KIAA1671: variants seen among roughly 807,000 people sequenced by gnomAD.
The protein encoded by KIAA1671 is uncharacterized protein KIAA1671.
Under a neutral mutation model 131.2 loss-of-function variants are expected in KIAA1671, and 52 were observed. That is an observed-to-expected ratio of 0.40 (90% CI 0.32 to 0.50). KIAA1671 has a LOEUF of 0.50. Ranked by LOEUF, KIAA1671 falls within the 20% of genes least tolerant of loss-of-function variation. The pLI is 0.73. For missense variants in KIAA1671, 2,360 were observed against 2,364.2 expected (o/e 1.00, Z 0.04); for synonymous variants, 1,003 against 961.6 (o/e 1.04, Z -0.80).
In KIAA1671 at chr22:25,171,170, C is replaced by T. The variant is rs145848499; in HGVS notation, c.4649+232C>T. ...ATCCCAGCACTTTGGGAGGCTGAGG[C>T]GGGCGGATTGCCTGAGCTCAGGAGT... On this transcript the variant is annotated intron_variant, in intron 7 of 12. Coordinates refer to ENST00000358431, the MANE Select transcript of KIAA1671 (RefSeq NM_001145206.2). 1.3e-3 allele frequency among the ~76,000 whole-genome samples: 191 copies of T among 152,168 alleles called. 3 individuals carry two copies. In the East Asian group the frequency reaches 0.027, roughly 21 times the overall value.
At position 25,104,594 on chromosome 22, in the gene KIAA1671, C is replaced by T. The variant is rs148368527; in HGVS notation, c.4530+55230C>T. Among the ~76,000 whole-genome samples, 676 of 152,278 alleles carry T rather than the reference C, an allele frequency of 4.4e-3. 5 individuals are homozygous for T. The highest frequency in any genetic ancestry group is 0.015 in the African/African-American group (644 of 41,564). ...TATCCTTCAAAACCCCACCCAGATA[C>T]CCTTCTTTTGATTGTAAGTCTTTAA... On this transcript the variant is annotated intron_variant, in intron 6 of 12. Transcript: ENST00000358431.
intron 1 of KIAA1671, among the ~76,000 whole-genome samples, chr22:24,973,348 C>T (rs1238433357): frequency 2.0e-5 from 3 of 148,506 alleles, no homozygotes; most frequent in African/African-American, 7.5e-5. Context: ...CCATTCCCTG[C>T]TCTCGCTCCT....
At chr22:25,189,133 T>C (rs1486057938) in intron 11 of KIAA1671, among the ~76,000 whole-genome samples, 5 of 149,558 alleles carry the variant, frequency 3.3e-5, no homozygotes, top group Non-Finnish European at 4.4e-5. Flanking sequence ...TTTCTTTTTT[T>C]TTTTTTTTTT....
intron 1 of KIAA1671, among the ~76,000 whole-genome samples, chr22:24,972,260 A>G (rs1321847241): frequency 6.6e-6 from 1 of 152,196 alleles, no homozygotes; most frequent in Non-Finnish European, 1.5e-5. Flanking sequence ...CATGTTTTAT[A>G]TGGTTTACCT....
intron 3 of KIAA1671, among the ~76,000 whole-genome samples, chr22:25,031,206 T>C (rs867609706): frequency 0.019 from 2,790 of 146,640 alleles, 38 homozygotes; most frequent in Middle Eastern, 0.042. Flanking sequence ...TTTTTTTTTT[T>C]TTTTTTTTTT....
chr22:25,030,449 C>T (rs1347309147), intron 3 of KIAA1671, among the ~76,000 whole-genome samples: 3 of 151,838 alleles, frequency 2.0e-5, no homozygotes, highest in East Asian at 1.9e-4. Context: ...GCAGGAGAAT[C>T]GCTTGAACTC....
intron 3 of KIAA1671, 74 bp from the exon 4 acceptor site, chr22:25,032,535 T>C: frequency 2.2e-6 from 2 of 912,026 alleles, no homozygotes; most frequent in Admixed American, 2.2e-5. Flanking sequence ...TGGCCTGGCC[T>C]CCTGAGCTGG....
chr22:24,995,047 T>G (rs1295463892), intron 1 of KIAA1671, among the ~76,000 whole-genome samples: 1 of 94,764 alleles, frequency 1.1e-5, no homozygotes, highest in Non-Finnish European at 2.1e-5. Context: ...GTATGTTAGG[T>G]TTTTTTTTTT....
intron 6 of KIAA1671, chr22:25,050,515 A>T (rs1927478842): frequency 6.6e-6 from 1 of 152,220 alleles, no homozygotes; most frequent in Non-Finnish European, 1.5e-5. Flanking sequence ...TTTTGTGCTG[A>T]AGCTCCATTG....
chr22:25,154,256 G>A (rs114999928), intron 6 of KIAA1671, among the ~76,000 whole-genome samples: 2,154 of 149,638 alleles, frequency 0.014, 51 homozygotes, highest in African/African-American at 0.052. Flanking sequence ...TGCCTTCAAC[G>A]GCCCTAGTCC....
intron 1 of KIAA1671, among the ~76,000 whole-genome samples, chr22:24,959,358 A>T (rs1296173029): frequency 6.6e-6 from 1 of 151,670 alleles, no homozygotes; most frequent in African/African-American, 2.4e-5. Flanking sequence ...AAAAATAAAA[A>T]TAAAATTAAA....
rs1926808881 is a variant in KIAA1671, at chr22:25,039,729, G to A, written c.2599G>A (p.Ala867Thr). The part of the protein sequence containing the change: ...WESQHEGPEG[A>T]RSKPGVGARG... ...AAGCCAGCATGAGGGGCCAGAGGGG[G>A]CCAGAAGCAAGCCAGGAGTGGGAGC... Residue 867 changes from alanine (A) to threonine (T), a missense_variant, in exon 5 of 13, where the codon GCC becomes ACC. Ala to Thr is a moderately conservative substitution (Grantham distance 58). Around this residue, in one of 3 missense-constraint regions of KIAA1671, gnomAD observed 14 missense variants for 33.2 expected, o/e 0.42. Transcript: ENST00000358431. 1.3e-6 allele frequency: 2 copies of A among 1,502,844 alleles called. No individual in the cohort carries two copies. Among genetic ancestry groups the A allele is most frequent in the Middle Eastern group, 1.7e-4 (1 of 5,754 alleles). 93.1% of individuals were successfully genotyped at this position (1,502,844 alleles called of 1,614,324 possible).
Position 25,196,797 on chromosome 22 carries a change from G to T in KIAA1671, c.*4396G>T, listed in dbSNP as rs1460222013. On this transcript the variant is annotated 3_prime_UTR_variant, in exon 13 of 13. Coordinates refer to ENST00000358431, the MANE Select transcript of KIAA1671 (RefSeq NM_001145206.2). ...CTTATAGATCCTGTAAATAGGGGGG[G>T]TCACAAAAGTAATATATTGTGTTAT... The T allele has an allele frequency of 6.6e-6, 1 of 151,870 alleles. No individual in the cohort carries two copies. The highest frequency in any genetic ancestry group is 3.2e-3 in the Middle Eastern group (1 of 316). The allele number at this position is 151,870 out of a possible 1,614,324, so 9.4% of individuals were successfully genotyped here.
At chr22:25,015,249 GGCA>G (rs903069228) in intron 1 of KIAA1671, among the ~76,000 whole-genome samples, 6 of 137,238 alleles carry the variant, frequency 4.4e-5, no homozygotes, top group Admixed American at 3.0e-4. Flanking sequence ...AAAAAAAAAA[GGCA>G]GCAGCAGCAG....
At position 25,055,946 on chromosome 22, in the gene KIAA1671, C is replaced by G. The variant is rs1047442171; in HGVS notation, c.4530+6582C>G. 2 of 149,342 alleles carry G rather than the reference C, an allele frequency of 1.3e-5. 1 individual carries two copies. The highest frequency in any genetic ancestry group is 3.0e-5 in the Non-Finnish European group (2 of 67,168). The allele number at this position is 149,342 out of a possible 1,614,324, so 9.3% of individuals were successfully genotyped here. On this transcript the variant is annotated intron_variant, in intron 6 of 12. Transcript: ENST00000358431. ...ATGATCTCGGCTCACTGCAACACCT[C>G]GTGAGTTCAAACCATCCTCCCACCT...
intron 6 of KIAA1671, among the ~76,000 whole-genome samples, chr22:25,084,316 A>C (rs1325112666): frequency 6.6e-6 from 1 of 152,100 alleles, no homozygotes; most frequent in African/African-American, 2.4e-5. Context: ...CTCTACTAAA[A>C]ATACAAAAAT....
intron 1 of KIAA1671, chr22:25,023,200 T>C (rs1396740825): frequency 6.6e-6 from 1 of 151,918 alleles, no homozygotes; most frequent in African/African-American, 2.4e-5. Flanking sequence ...ACACCGAGAC[T>C]CTGTCTCTAA....
intron 2 of KIAA1671, among the ~76,000 whole-genome samples, chr22:25,027,427 G>C (rs1382528418): frequency 6.6e-6 from 1 of 152,190 alleles, no homozygotes; most frequent in Non-Finnish European, 1.5e-5. Context: ...GGATCACCTG[G>C]GATGTGGGCA....
chr22:25,156,896 A>C (rs1933263448), intron 6 of KIAA1671, among the ~76,000 whole-genome samples: 1 of 152,126 alleles, frequency 6.6e-6, no homozygotes, highest in Non-Finnish European at 1.5e-5. Flanking sequence ...CAATAGGGAG[A>C]CACACCCAGC....
Sources: gnomAD v4.1 joint callset for allele counts (sites outside exome capture counted in the v4.1 genomes callset) on GRCh38, gnomAD v4.1.1 for gene constraint, gnomAD v4.1.1 regional missense constraint, MANE v1.5 for transcripts, NCBI Gene and HGNC (gene_info 2026-07-23, HGNC 2026-07-21) for gene names.